SPAG17: variants seen among roughly 807,000 people sequenced by gnomAD.
SPAG17 encodes the protein sperm associated antigen 17, also known as sperm-associated antigen 17.
Under a neutral mutation model 273.6 loss-of-function variants are expected in SPAG17, and 169 were observed. The ratio of observed to expected loss-of-function variants is 0.62; its 90% CI spans 0.55 to 0.70. The LOEUF is 0.70. Ranked by LOEUF, SPAG17 falls within the 30% of genes least tolerant of loss-of-function variation. The pLI is 0.00. For synonymous variants in SPAG17, 825 were observed against 873.2 expected, an observed-to-expected ratio of 0.94 and a Z score of 0.97; for missense variants, 2,557 against 2,627.8, an observed-to-expected ratio of 0.97 and a Z score of 0.59.
chr1:118,125,003 G>A (rs142713255), intron 3 of SPAG17, among the ~76,000 whole-genome samples: 3,172 of 152,176 alleles, frequency 0.021, 67 homozygotes, highest in Admixed American at 0.078. Flanking sequence ...AAGAGCCTGA[G>A]AGCCTTTTAG....
intron 32 of SPAG17, among the ~76,000 whole-genome samples, chr1:117,997,566 TAA>T (rs11428560): frequency 6.2e-4 from 76 of 123,364 alleles, no homozygotes; most frequent in African/African-American, 1.4e-3. Flanking sequence ...GAATGAGAAG[TAA>T]AAAAAAAAAA....
intron 20 of SPAG17, among the ~76,000 whole-genome samples, chr1:118,043,873 TTC>T (rs1650052813): frequency 6.6e-6 from 1 of 152,234 alleles, no homozygotes; most frequent in African/African-American, 2.4e-5. Context: ...GACATATCCT[TTC>T]TTTGTTTCAC....
chr1:118,067,041 T>C (rs984253589), intron 17 of SPAG17, 142 bp from the exon 18 acceptor site: 4 of 728,568 alleles, frequency 5.5e-6, no homozygotes, highest in Middle Eastern at 4.0e-4. Flanking sequence ...CAGAGGTTTC[T>C]TTCCTAGCTG....
At chr1:118,098,412 C>T (rs1030240426) in intron 6 of SPAG17, among the ~76,000 whole-genome samples, 4 of 151,704 alleles carry the variant, frequency 2.6e-5, no homozygotes, top group Admixed American at 6.6e-5. Flanking sequence ...AAAATTTGCC[C>T]GAAATATTTA....
chr1:117,986,335 CT>C (rs1481340252), intron 40 of SPAG17, among the ~76,000 whole-genome samples: 1 of 152,128 alleles, frequency 6.6e-6, no homozygotes, highest in African/African-American at 2.4e-5. Flanking sequence ...ACTCAAATTC[CT>C]TTTTTCATTC....
At chr1:118,023,965 G>A (rs1172760757) in intron 27 of SPAG17, among the ~76,000 whole-genome samples, 2 of 152,074 alleles carry the variant, frequency 1.3e-5, no homozygotes, top group African/African-American at 2.4e-5. Flanking sequence ...AAGGACCAAC[G>A]TCACTGTTGC....
At chr1:118,004,916 G>T in intron 32 of SPAG17, among the ~76,000 whole-genome samples, 1 of 152,182 alleles carries the variant, frequency 6.6e-6, no homozygotes, top group East Asian at 1.9e-4. Flanking sequence ...GGGAGCTGCA[G>T]ATTGGAGCTG....
chr1:118,181,034 T>C (rs1660913672), intron 1 of SPAG17, among the ~76,000 whole-genome samples: 1 of 152,032 alleles, frequency 6.6e-6, no homozygotes, highest in Admixed American at 6.6e-5. Context: ...TGAATTTATA[T>C]AAGCAATTGA....
intron 20 of SPAG17, among the ~76,000 whole-genome samples, chr1:118,043,828 CA>C (rs1650045462): frequency 6.6e-6 from 1 of 152,152 alleles, no homozygotes; most frequent in Admixed American, 6.6e-5. Flanking sequence ...CTTGACTCAG[CA>C]AAAAAGTTGC....
At chr1:118,174,684 G>A (rs1273399471) in intron 1 of SPAG17, among the ~76,000 whole-genome samples, 1 of 152,102 alleles carries the variant, frequency 6.6e-6, no homozygotes, top group African/African-American at 2.4e-5. Context: ...ATTATCAAAA[G>A]CTAAAGACAG....
intron 15 of SPAG17, among the ~76,000 whole-genome samples, chr1:118,075,475 T>C (rs948107381): frequency 6.6e-6 from 1 of 152,244 alleles, no homozygotes; most frequent in Non-Finnish European, 1.5e-5. Context: ...CATCTCACTA[T>C]GAATGTCTTA....
At chr1:118,108,795 C>A (rs986278065) in intron 4 of SPAG17, among the ~76,000 whole-genome samples, 4 of 151,706 alleles carry the variant, frequency 2.6e-5, no homozygotes, top group African/African-American at 4.8e-5. Context: ...ATTTCTTAAC[C>A]GGTTAAGTTA....
chr1:118,143,254 A>G (rs1658777205), intron 3 of SPAG17, among the ~76,000 whole-genome samples: 1 of 152,258 alleles, frequency 6.6e-6, no homozygotes, highest in Admixed American at 6.5e-5. Context: ...TTGAAGACAT[A>G]TTAAACCACA....
At chr1:118,012,760 G>A (rs1373715993) in intron 29 of SPAG17, among the ~76,000 whole-genome samples, 1 of 152,218 alleles carries the variant, frequency 6.6e-6, no homozygotes, top group Non-Finnish European at 1.5e-5. Context: ...TGTGTGCTGT[G>A]AAACCTCTGC....
At position 118,111,226 on chromosome 1, in the gene SPAG17, A is replaced by T. The variant is rs566394424; in HGVS notation, c.447+4084T>A. 2.0e-5 allele frequency among the ~76,000 whole-genome samples: 3 copies of T among 152,240 alleles called. No individual in the cohort carries two copies. The East Asian group carries it at 5.8e-4, about 29-fold the overall frequency. ...GTTTTCATTAATTAAAAGCAAGCCA[A>T]TTAGGAAAGGACTACTCTATTTTAT... On this transcript the variant is annotated intron_variant, in intron 4 of 48. Coordinates refer to ENST00000336338, the MANE Select transcript of SPAG17 (RefSeq NM_206996.4).
intron 3 of SPAG17, among the ~76,000 whole-genome samples, chr1:118,139,788 T>TG (rs893244125): frequency 1.2e-4 from 18 of 144,748 alleles, no homozygotes; most frequent in Non-Finnish European, 2.7e-4. Flanking sequence ...TTACAGAGAC[T>TG]GGGGGGTGGG....
At chr1:118,086,627 C>G (rs771629636) in intron 12 of SPAG17, 44 bp downstream of exon 12, 24 of 1,534,300 alleles carry the variant, frequency 1.6e-5, no homozygotes, top group Non-Finnish European at 2.2e-5. Context: ...TATAAACACA[C>G]TTTCCCACAT....
chr1:118,016,640 T>C (rs1468920406), intron 28 of SPAG17, among the ~76,000 whole-genome samples: 7 of 152,248 alleles, frequency 4.6e-5, no homozygotes, highest in Admixed American at 4.6e-4. Context: ...CCCCTGATTT[T>C]GCCCTTTTGT....
intron 24 of SPAG17, among the ~76,000 whole-genome samples, chr1:118,033,933 C>T (rs571015791): frequency 1.3e-5 from 2 of 152,302 alleles, no homozygotes; most frequent in African/African-American, 2.4e-5. Flanking sequence ...AGCACTAAGA[C>T]AGATATTATT....
Sources: allele counts gnomAD v4.1 joint callset (sites outside exome capture counted in the v4.1 genomes callset), GRCh38; gene constraint gnomAD v4.1.1; transcripts MANE v1.5; gene names NCBI Gene and HGNC (gene_info 2026-07-23, HGNC 2026-07-21).